The following TAFA5 variants were observed in gnomAD, a reference collection of about 807,000 sequenced individuals.
TAFA5 encodes the protein chemokine-like protein TAFA-5.
A neutral mutation model predicts 15.3 loss-of-function variants in TAFA5; 6 were observed. That is an observed-to-expected ratio of 0.39 (90% confidence interval 0.21 to 0.77). TAFA5 has a LOEUF of 0.77. TAFA5 is among the 30% of genes least tolerant of loss of function. TAFA5 has a pLI of 0.41. For missense variants in TAFA5, 161 were observed against 193.1 expected (o/e 0.83, Z 0.98); for synonymous variants, 103 against 80.7 (o/e 1.28, Z -1.48).
chr22:48,662,433 A>G (rs1927474513), intron 2 of TAFA5, among the ~76,000 whole-genome samples: 1 of 152,162 alleles, frequency 6.6e-6, no homozygotes, highest in African/African-American at 2.4e-5. Context: ...TGCAGAGGTC[A>G]GGCTGGGCAG....
intron 2 of TAFA5, among the ~76,000 whole-genome samples, chr22:48,702,966 G>T (rs1486358717): frequency 6.6e-6 from 1 of 152,280 alleles, no homozygotes; most frequent in African/African-American, 2.4e-5. Context: ...GACGGGGCAG[G>T]CCTGCTGCCT....
At chr22:48,645,704 A>G (rs575948247) in intron 1 of TAFA5, among the ~76,000 whole-genome samples, 24 of 152,070 alleles carry the variant, frequency 1.6e-4, no homozygotes, top group African/African-American at 5.1e-4. Context: ...CACGACACCC[A>G]TGGGTGGTGG....
intron 2 of TAFA5, among the ~76,000 whole-genome samples, chr22:48,668,925 C>T (rs1339737255): frequency 6.6e-6 from 1 of 152,246 alleles, no homozygotes; most frequent in African/African-American, 2.4e-5. Flanking sequence ...TCTGAACGGG[C>T]ATTGCCATGG....
At chr22:48,724,786 G>C (rs77368062) in intron 3 of TAFA5, among the ~76,000 whole-genome samples, 1,751 of 152,352 alleles carry the variant, frequency 0.011, 31 homozygotes, top group African/African-American at 0.038. Context: ...CTAGTGATCA[G>C]AGGGTTCACA....
intron 1 of TAFA5, among the ~76,000 whole-genome samples, chr22:48,575,802 C>A (rs1057410624): frequency 8.0e-4 from 116 of 144,154 alleles, no homozygotes; most frequent in Non-Finnish European, 1.6e-3. Context: ...CCGCGCGGAC[C>A]CCGGCGGCGG....
At position 48,578,467 on chromosome 22, in the gene TAFA5, G is replaced by T. The variant is rs531462885; in HGVS notation, c.113-68130G>T. Among the ~76,000 whole-genome samples the T allele has an allele frequency of 7.2e-5, 11 of 152,362 alleles. No individual in the cohort carries two copies. The East Asian group carries it at 1.9e-3, about 27-fold the overall frequency. ...ATGGGAGGGTCTAGGTGTGGAGCAG[G>T]CCTCGCTTAGTGGAGTACTTTTTGT... On this transcript the variant is annotated intron_variant, in intron 1 of 3. Coordinates refer to ENST00000402357, the MANE Select transcript of TAFA5 (RefSeq NM_001082967.3).
intron 1 of TAFA5, among the ~76,000 whole-genome samples, chr22:48,643,965 C>T (rs550805215): frequency 8.5e-5 from 13 of 152,340 alleles, no homozygotes; most frequent in East Asian, 1.9e-4. Context: ...TTTCCTTCTG[C>T]GTAAATCACA....
chr22:48,589,342 T>C (rs569156948), intron 1 of TAFA5, among the ~76,000 whole-genome samples: 1 of 152,186 alleles, frequency 6.6e-6, no homozygotes, highest in South Asian at 2.1e-4. Flanking sequence ...CTGTGAGAAA[T>C]GTACACCTGT....
At chr22:48,706,805 G>A (rs1197973888) in intron 2 of TAFA5, among the ~76,000 whole-genome samples, 1 of 152,174 alleles carries the variant, frequency 6.6e-6, no homozygotes, top group Non-Finnish European at 1.5e-5. Context: ...ATGACTAATC[G>A]TTCTTTTGAG....
At chr22:48,608,946 G>A (rs548971944) in intron 1 of TAFA5, among the ~76,000 whole-genome samples, 3 of 152,364 alleles carry the variant, frequency 2.0e-5, no homozygotes, top group South Asian at 2.1e-4. Context: ...CTGATGGACC[G>A]TCAACTGGAC....
At chr22:48,748,136 G>A (rs1310777023) in intron 3 of TAFA5, among the ~76,000 whole-genome samples, 1 of 152,232 alleles carries the variant, frequency 6.6e-6, no homozygotes, top group African/African-American at 2.4e-5. Flanking sequence ...GGAAAGGCTT[G>A]TGTGGGCCAA....
chr22:48,690,337 G>A (rs62224993), intron 2 of TAFA5, among the ~76,000 whole-genome samples: 12,798 of 152,146 alleles, frequency 0.084, 843 homozygotes, highest in Admixed American at 0.21. Context: ...GTGGGTCTGG[G>A]TGTGATAGGC....
In TAFA5 at chr22:48,529,211, A is replaced by G. The variant is rs141672692; in HGVS notation, c.112+39507A>G. 9.6e-3 allele frequency among the ~76,000 whole-genome samples: 718 copies of G among 74,480 alleles called. 4 individuals carry two copies. The highest frequency in any genetic ancestry group is 0.048 in the Middle Eastern group (4 of 84). The allele number at this position is 74,480 out of a possible 152,430, so 48.9% of individuals were successfully genotyped here. A position where few individuals can be genotyped will look rare whatever the true frequency, so the allele number is the denominator to read the frequency against. On this transcript the variant is annotated intron_variant, in intron 1 of 3. Transcript: ENST00000402357. ...GAGGGTGTCCAGGCAGGAAATGAGG[A>G]TGTCCAGGCAGGAGATGGGGGTGTT...
intron 1 of TAFA5, among the ~76,000 whole-genome samples, chr22:48,504,459 T>A (rs949300239): frequency 1.3e-5 from 2 of 152,110 alleles, no homozygotes; most frequent in African/African-American, 2.4e-5. Context: ...ACACCATCAT[T>A]TGAAGGAGTC....
intron 1 of TAFA5, among the ~76,000 whole-genome samples, chr22:48,505,455 G>A (rs1181220946): frequency 6.6e-6 from 1 of 152,220 alleles, no homozygotes; most frequent in African/African-American, 2.4e-5. Context: ...GAGGACCACA[G>A]TGGCTCTGTC....
At chr22:48,496,038 G>A (rs1247540821) in intron 1 of TAFA5, among the ~76,000 whole-genome samples, 1 of 152,198 alleles carries the variant, frequency 6.6e-6, no homozygotes, top group East Asian at 1.9e-4. Flanking sequence ...GTGAAGGCCC[G>A]GCTTACTCCC....
At chr22:48,497,959 T>G (rs923184620) in intron 1 of TAFA5, among the ~76,000 whole-genome samples, 3 of 33,214 alleles carry the variant, frequency 9.0e-5, no homozygotes, top group East Asian at 2.0e-3. Context: ...AAGAGTGGGG[T>G]GGGGCCCACC....
Position 48,560,993 on chromosome 22 carries a change from G to A in TAFA5, c.112+71289G>A, listed in dbSNP as rs1302479770. 6.6e-6 allele frequency among the ~76,000 whole-genome samples: 1 copy of A among 152,186 alleles called. No homozygotes were observed. The highest frequency in any genetic ancestry group is 1.5e-5 in the Non-Finnish European group (1 of 68,030). On this transcript the variant is annotated intron_variant, in intron 1 of 3. Transcript: ENST00000402357. This position sits in a 1 kb window ranked among gnomAD's most constrained non-coding sequence, Gnocchi z 4.2. Reference sequence around the variant, plus strand: ...TGTGCAGTCCTCTACACCTGGGGATGGAGCGGTTCCCTGTGTGGGTGACAC... The same window carrying A: ...TGTGCAGTCCTCTACACCTGGGGATAGAGCGGTTCCCTGTGTGGGTGACAC...
intron 1 of TAFA5, among the ~76,000 whole-genome samples, chr22:48,624,469 G>T (rs4925424): frequency 6.6e-6 from 1 of 152,016 alleles, no homozygotes; most frequent in African/African-American, 2.4e-5. Flanking sequence ...ATTCTTCAGC[G>T]TCGGAGACAT....
Sources: allele counts gnomAD v4.1 joint callset (sites outside exome capture counted in the v4.1 genomes callset), GRCh38; gene constraint gnomAD v4.1.1; non-coding constraint Gnocchi (gnomAD v3.1); transcripts MANE v1.5; gene names NCBI Gene and HGNC (gene_info 2026-07-23, HGNC 2026-07-21).